The following MARCHF1 variants were observed in gnomAD, a reference collection of about 807,000 sequenced individuals.
MARCHF1 encodes the protein E3 ubiquitin-protein ligase MARCHF1.
MARCHF1 carries 40 observed loss-of-function variants against 54.2 expected under a neutral mutation model. The observed-to-expected ratio is 0.74, with a 90% confidence interval of 0.57 to 0.96. MARCHF1 has a LOEUF of 0.96. Ranked by LOEUF, MARCHF1 falls within the 40% of genes least tolerant of loss-of-function variation. MARCHF1 has a pLI of 0.00. For synonymous variants in MARCHF1, 236 were observed against 236.3 expected, an observed-to-expected ratio of 1.00 and a Z score of 0.01; for missense variants, 586 against 656.5, an observed-to-expected ratio of 0.89 and a Z score of 1.17.
chr4:163,725,741 T>C (rs1293218400), intron 4 of MARCHF1, among the ~76,000 whole-genome samples: 1 of 152,170 alleles, frequency 6.6e-6, no homozygotes, highest in Non-Finnish European at 1.5e-5. Flanking sequence ...ATTTGTCAAT[T>C]AGCTCTGCAA....
intron 4 of MARCHF1, among the ~76,000 whole-genome samples, chr4:163,829,783 G>T (rs1748965774): frequency 6.6e-6 from 1 of 152,198 alleles, no homozygotes; most frequent in South Asian, 2.1e-4. Context: ...GTTCTGTACT[G>T]AAGGGAATGT....
intron 2 of MARCHF1, among the ~76,000 whole-genome samples, chr4:164,062,391 T>C (rs1376404377): frequency 6.6e-6 from 1 of 152,126 alleles, no homozygotes; most frequent in Non-Finnish European, 1.5e-5. Flanking sequence ...CTTTATGAGT[T>C]ACTAATGTTC....
intron 3 of MARCHF1, among the ~76,000 whole-genome samples, chr4:163,906,328 G>A (rs1376034087): frequency 6.6e-6 from 1 of 152,006 alleles, no homozygotes; most frequent in Non-Finnish European, 1.5e-5. Flanking sequence ...TATGGGAAAT[G>A]TCCAGGCTCA....
intron 3 of MARCHF1, among the ~76,000 whole-genome samples, chr4:163,955,413 T>C (rs1752213407): frequency 1.3e-5 from 2 of 148,770 alleles, no homozygotes; most frequent in African/African-American, 2.5e-5. Context: ...GCCTGTAACA[T>C]GAAGTCCACA....
chr4:164,020,450 G>A (rs962691542), intron 2 of MARCHF1, among the ~76,000 whole-genome samples: 17 of 152,178 alleles, frequency 1.1e-4, no homozygotes, highest in South Asian at 6.2e-4. Flanking sequence ...CCTTAGTCTA[G>A]TCCTAGATCT....
intron 3 of MARCHF1, among the ~76,000 whole-genome samples, chr4:163,966,205 T>C (rs1441041086): frequency 1.3e-5 from 2 of 152,060 alleles, no homozygotes; most frequent in African/African-American, 4.8e-5. Flanking sequence ...ATGCTTCCAA[T>C]GTAATTTAAT....
intron 2 of MARCHF1, among the ~76,000 whole-genome samples, chr4:164,046,666 A>C (rs180848587): frequency 1.3e-5 from 2 of 152,342 alleles, no homozygotes; most frequent in Admixed American, 1.3e-4. Context: ...AAACACAAAT[A>C]CATCAGTCCT....
At chr4:164,306,373 C>G (rs1388760223) in intron 1 of MARCHF1, among the ~76,000 whole-genome samples, 1 of 152,104 alleles carries the variant, frequency 6.6e-6, no homozygotes, top group Admixed American at 6.6e-5. Context: ...AACCTCATTT[C>G]TATCAAGGTC....
rs538411416 is a variant in MARCHF1 at position 163,898,477 on chromosome 4, A to G, written c.-38-44308T>C. 4.6e-5 allele frequency among the ~76,000 whole-genome samples: 7 copies of G among 152,314 alleles called. No individual in the cohort carries two copies. In the South Asian group the frequency reaches 1.4e-3, roughly 32 times the overall value. On this transcript the variant is annotated intron_variant, in intron 3 of 9. Transcript: ENST00000514618. ...TCGGAGAAATGAAAATTAAAACCAC[A>G]ACGAGATGTTATCTTATACCAGTCA...
chr4:164,033,728 A>G (rs1230067525), intron 2 of MARCHF1, among the ~76,000 whole-genome samples: 3 of 152,188 alleles, frequency 2.0e-5, no homozygotes, highest in African/African-American at 7.2e-5. Context: ...ATTAGATACC[A>G]TCTCATGCCA....
chr4:163,605,930 T>C (rs984476404), intron 7 of MARCHF1, among the ~76,000 whole-genome samples: 26 of 152,068 alleles, frequency 1.7e-4, no homozygotes, highest in South Asian at 8.3e-4. Flanking sequence ...AGGGGAGGGA[T>C]GGCATTAGGA....
chr4:164,148,398 C>A (rs1031688860), intron 1 of MARCHF1, among the ~76,000 whole-genome samples: 5 of 152,214 alleles, frequency 3.3e-5, no homozygotes, highest in African/African-American at 1.2e-4. Context: ...TCCTTTACTG[C>A]TAATGATGGC....
chr4:164,047,907 T>G (rs1754275746), intron 2 of MARCHF1, among the ~76,000 whole-genome samples: 1 of 152,178 alleles, frequency 6.6e-6, no homozygotes, highest in African/African-American at 2.4e-5. Flanking sequence ...CAATTTTGAT[T>G]TGTAGCTCCA....
At chr4:163,554,678 G>A (rs927897429) in intron 8 of MARCHF1, among the ~76,000 whole-genome samples, 1 of 152,144 alleles carries the variant, frequency 6.6e-6, no homozygotes, top group African/African-American at 2.4e-5. Flanking sequence ...TATAGAGTTT[G>A]CTGGAATTAT....
At chr4:164,306,042 T>C (rs1357262371) in intron 1 of MARCHF1, among the ~76,000 whole-genome samples, 1 of 149,816 alleles carries the variant, frequency 6.7e-6, no homozygotes, top group African/African-American at 2.4e-5. Context: ...CTAATGCACA[T>C]ATGTCTTATT....
chr4:163,800,687 G>A (rs1415589849), intron 4 of MARCHF1, among the ~76,000 whole-genome samples: 1 of 152,050 alleles, frequency 6.6e-6, no homozygotes, highest in African/African-American at 2.4e-5. Context: ...TGGTACAGAG[G>A]CTTTAGAAAA....
chr4:163,801,164 T>C (rs1327368288), intron 4 of MARCHF1, among the ~76,000 whole-genome samples: 7 of 152,056 alleles, frequency 4.6e-5, no homozygotes, highest in Non-Finnish European at 7.4e-5. Context: ...AGAACAAAGA[T>C]TGTGCTTTGT....
intron 1 of MARCHF1, among the ~76,000 whole-genome samples, chr4:164,147,621 A>G (rs1240028810): frequency 7.0e-6 from 1 of 142,800 alleles, no homozygotes; most frequent in Non-Finnish European, 1.5e-5. Flanking sequence ...GAACTGAACA[A>G]TGAGAACACA....
At chr4:164,227,290 C>T (rs540132769) in intron 1 of MARCHF1, among the ~76,000 whole-genome samples, 2 of 152,104 alleles carry the variant, frequency 1.3e-5, no homozygotes, top group South Asian at 2.1e-4. Context: ...ACCATCATAT[C>T]TCATGAAGCC....
Sources: allele counts gnomAD v4.1 joint callset (sites outside exome capture counted in the v4.1 genomes callset), GRCh38; gene constraint gnomAD v4.1.1; transcripts MANE v1.5; gene names NCBI Gene and HGNC (gene_info 2026-07-23, HGNC 2026-07-21).